The following STAP2 variants were observed in gnomAD, a reference collection of about 807,000 sequenced individuals.
The protein encoded by STAP2 is signal transducing adaptor family member 2.
In STAP2, 58 loss-of-function variants were observed where a neutral mutation model predicts 52.7. The ratio of observed to expected loss-of-function variants is 1.10; its 90% confidence interval spans 0.89 to 1.37. The LOEUF is 1.37. Ranked by LOEUF, STAP2 falls within the 40% of genes most tolerant of loss-of-function variation. The pLI, the probability that STAP2 is intolerant of heterozygous loss-of-function variation, is 0.00. For synonymous variants in STAP2, 231 were observed against 210.5 expected, an observed-to-expected ratio of 1.10 and a Z score of -0.84; for missense variants, 522 against 519.4, an observed-to-expected ratio of 1.00 and a Z score of -0.05.
At chr19:4,338,417 A>T (rs551563353) in intron 1 of STAP2, among the ~76,000 whole-genome samples, 116 of 152,344 alleles carry the variant, frequency 7.6e-4, no homozygotes, top group African/African-American at 2.6e-3. Flanking sequence ...GGAGAGACAG[A>T]CGGGGCCAGG....
chr19:4,326,503 T>C (rs1971794555), intron 9 of STAP2, among the ~76,000 whole-genome samples: 1 of 152,146 alleles, frequency 6.6e-6, no homozygotes, highest in Non-Finnish European at 1.5e-5. Context: ...TTTCCACCTC[T>C]TTCCCAACAC....
intron 8 of STAP2, 47 bp from the exon 9 acceptor site, chr19:4,327,054 G>A (rs949438604): frequency 1.9e-6 from 3 of 1,601,188 alleles, no homozygotes; most frequent in African/African-American, 2.7e-5. Flanking sequence ...GCCAGGGGCG[G>A]CCCGGTCCGT....
Position 4,325,504 on chromosome 19 carries a change from C to G in STAP2, c.871G>C (p.Ala291Pro). The G allele has an allele frequency of 2.5e-6, 4 of 1,610,280 alleles. No homozygotes were observed. The highest frequency in any genetic ancestry group is 3.4e-6 in the Non-Finnish European group (4 of 1,178,160). ...GGGGGCAGCTTGTCCTGGCTAGACGCAGGTGACAGCGGCTTGGGGCCACCT... is the reference window on the plus strand; with the variant it reads ...GGGGGCAGCTTGTCCTGGCTAGACGGAGGTGACAGCGGCTTGGGGCCACCT... Reference protein sequence around the residue: ...CTGGPKPLSPASSQDKLPPLP... With the variant: ...CTGGPKPLSPPSSQDKLPPLP... The change falls in exon 10 of 13, where the codon GCG becomes CCG. Residue 291 changes from alanine (A) to proline (P), a missense_variant. Ala to Pro is a conservative substitution (Grantham distance 27). Transcript: ENST00000594605.
At position 4,325,433 on chromosome 19, in the gene STAP2, A is replaced by C; in HGVS notation, c.942T>G (p.Ile314Met). The change falls in exon 10 of 13, where the codon ATT (isoleucine) becomes ATG (methionine). Residue 314 changes from isoleucine (I) to methionine (M), a missense_variant. Transcript: ENST00000594605. ...CATAGTCAACAGCTGGGCCATCTCC[A>C]ATGGGGGTCACGTAGTTCTCTTCCT... ...PNQEENYVTPIGDGPAVDYEN... is the reference protein window; with the variant it reads ...PNQEENYVTPMGDGPAVDYEN... 6.2e-7 allele frequency: 1 copy of C among 1,614,006 alleles called. No individual in the cohort carries two copies. The highest frequency in any genetic ancestry group is 8.5e-7 in the Non-Finnish European group (1 of 1,179,984).
At chr19:4,329,026 G>A (rs977662203) in intron 5 of STAP2, 2 of 611,134 alleles carry the variant, frequency 3.3e-6, no homozygotes, top group Non-Finnish European at 5.4e-6. Flanking sequence ...TTGAGACAGG[G>A]TTTCGCTCTT....
At chr19:4,337,842 C>T (rs190286284) in intron 1 of STAP2, among the ~76,000 whole-genome samples, 1 of 151,888 alleles carries the variant, frequency 6.6e-6, no homozygotes, top group Non-Finnish European at 1.5e-5. Context: ...CAGAGTGAGA[C>T]TCAGTCTCAA....
chr19:4,338,684 T>C lies in STAP2; in HGVS notation c.70A>G (p.Ser24Gly), dbSNP rs1180571226. The change falls in exon 1 of 13, where the codon AGC becomes GGC. Residue 24 changes from serine to glycine, a missense_variant. Ser to Gly is a moderately conservative substitution (Grantham distance 56). Transcript: ENST00000594605. ...KGVLPSHYYE[S>G]FLEKKGPCDR... ...CAGGGCCCCTTCTTCTCTAGAAAGC[T>C]CTCATAGTAGTGTGAAGGCAGGACA... is the stretch of plus-strand genomic sequence containing the variant. 1 of 1,612,898 alleles carries C rather than the reference T, an allele frequency of 6.2e-7. No homozygotes were observed. The highest frequency in any genetic ancestry group is 1.1e-5 in the South Asian group (1 of 90,916).
chr19:4,336,887 G>C (rs1971988870), intron 1 of STAP2, among the ~76,000 whole-genome samples: 1 of 151,678 alleles, frequency 6.6e-6, no homozygotes, highest in Non-Finnish European at 1.5e-5. Context: ...CGCCTGCCTC[G>C]GCCTCCCAAA....
intron 11 of STAP2, 91 bp from the exon 12 acceptor site, chr19:4,324,620 T>G: frequency 7.3e-7 from 1 of 1,378,932 alleles, no homozygotes. Flanking sequence ...TCACTTGAGG[T>G]CAGGAGTTCG....
intron 4 of STAP2, 75 bp downstream of exon 4, chr19:4,331,943 AAAAG>A (rs145454096): frequency 0.34 from 504,065 of 1,468,040 alleles, 90,132 homozygotes; most frequent in East Asian, 0.54. Context: ...AAAAAAGAAA[AAAAG>A]AAAGAAAGAA....
rs919985635 is a variant in STAP2 at position 4,329,623 on chromosome 19, C to T, written c.455+338G>A. Among the ~76,000 whole-genome samples the T allele has an allele frequency of 3.5e-4, 53 of 152,088 alleles. 2 individuals carry two copies. Among genetic ancestry groups the T allele is most frequent in the Non-Finnish European group, 8.8e-5 (6 of 68,000 alleles). ...GCCCCGCCTCTAGGGTCCCGGTTAC[C>T]CTCTCCGACAAATAACTCCTCCCCG... On this transcript the variant is annotated intron_variant, in intron 5 of 12. Transcript: ENST00000594605.
intron 6 of STAP2, 103 bp from the exon 7 acceptor site, chr19:4,327,488 G>T (rs1160018081): frequency 8.0e-7 from 1 of 1,251,718 alleles, no homozygotes; most frequent in Non-Finnish European, 1.1e-6. Flanking sequence ...ATAGAAACAG[G>T]TCCATACTGG....
In STAP2 at chr19:4,325,326, T is replaced by C. The variant is rs574405335; in HGVS notation, c.980-18A>G. ...GGAAGCCACTGCGTGGACAAAAGTG[T>C]AACGTGTCACATCAGCTGTTAACCT... On this transcript the variant is annotated intron_variant, in intron 10 of 12. Coordinates refer to ENST00000594605, the MANE Select transcript of STAP2 (RefSeq NM_001013841.2). 5 of 1,614,214 alleles carry C rather than the reference T, an allele frequency of 3.1e-6. No individual in the cohort carries two copies. In the East Asian group the frequency reaches 6.7e-5, roughly 22 times the overall value.
intron 3 of STAP2, 113 bp downstream of exon 3, chr19:4,333,581 C>T: frequency 2.1e-6 from 3 of 1,400,922 alleles, no homozygotes; most frequent in Non-Finnish European, 1.9e-6. Context: ...TTACCCAGGG[C>T]CCACAGGGCC....
At chr19:4,333,223 G>A (rs184540224) in intron 3 of STAP2, among the ~76,000 whole-genome samples, 1 of 149,874 alleles carries the variant, frequency 6.7e-6, no homozygotes, top group East Asian at 2.0e-4. Context: ...GGCTGGACAC[G>A]GTGGCTCACG....
At chr19:4,329,280 T>G (rs1273059031) in intron 5 of STAP2, among the ~76,000 whole-genome samples, 1 of 151,864 alleles carries the variant, frequency 6.6e-6, no homozygotes, top group Non-Finnish European at 1.5e-5. Context: ...TTTTGGTTTT[T>G]TTTTTCTTTA....
chr19:4,328,692 C>G lies in STAP2; in HGVS notation c.573G>C (p.Thr191=). The change falls in exon 6 of 13, where the codon ACG becomes ACC. Residue 191 remains threonine (T), a synonymous_variant. Transcript: ENST00000594605. ...GDGADGVSVT[T]RQMHNGTHVV... is the part of the protein sequence containing the mutation. ...ATGCGCACCCGTTGTGCATCTGCCG[C>G]GTGGTGACCGACACGCCGTCGGCGC... The G allele has an allele frequency of 6.2e-7, 1 of 1,603,504 alleles. No individual in the cohort carries two copies. The highest frequency in any genetic ancestry group is 8.5e-7 in the Non-Finnish European group (1 of 1,176,020).
intron 5 of STAP2, among the ~76,000 whole-genome samples, chr19:4,329,535 C>T (rs1971853690): frequency 6.6e-6 from 1 of 151,968 alleles, no homozygotes; most frequent in Non-Finnish European, 1.5e-5. Flanking sequence ...ACCCTGGAGG[C>T]CCTGCCCGCC....
chr19:4,334,612 C>A (rs1971943830), intron 1 of STAP2, among the ~76,000 whole-genome samples: 1 of 147,916 alleles, frequency 6.8e-6, no homozygotes, highest in South Asian at 2.2e-4. Flanking sequence ...CTACCATTTA[C>A]CCATCCATTC....
Sources: allele counts gnomAD v4.1 joint callset (sites outside exome capture counted in the v4.1 genomes callset), GRCh38; gene constraint gnomAD v4.1.1; transcripts MANE v1.5; gene names NCBI Gene and HGNC (gene_info 2026-07-23, HGNC 2026-07-21).